The following ZNF385D variants were observed in gnomAD, a reference collection of about 807,000 sequenced individuals.
ZNF385D encodes the protein zinc finger protein 659.
A neutral mutation model predicts 35.8 loss-of-function variants in ZNF385D; 15 were observed. The ratio of observed to expected loss-of-function variants is 0.42; its 90% CI spans 0.28 to 0.64. The LOEUF (loss-of-function observed/expected upper bound fraction) is 0.64. ZNF385D is among the 30% of genes least tolerant of loss of function. The pLI, the probability that ZNF385D is intolerant of heterozygous loss-of-function variation, is 0.23. For synonymous variants in ZNF385D, 212 were observed against 186.8 expected (o/e 1.13, Z -1.10); for missense variants, 474 against 494.6 (o/e 0.96, Z 0.39).
At chr3:21,817,780 T>C (rs181691399) in intron 3 of ZNF385D, among the ~76,000 whole-genome samples, 147 of 152,292 alleles carry the variant, frequency 9.7e-4, no homozygotes, top group African/African-American at 3.5e-3. Flanking sequence ...TCCTCTGGGA[T>C]CTAGAACTAG....
intron 3 of ZNF385D, among the ~76,000 whole-genome samples, chr3:22,136,980 T>A (rs1306987963): frequency 6.6e-6 from 1 of 152,180 alleles, no homozygotes; most frequent in Non-Finnish European, 1.5e-5. Context: ...GTAAAACTAT[T>A]CTATATGATC....
At chr3:22,251,454 T>A (rs969294150) in intron 2 of ZNF385D, among the ~76,000 whole-genome samples, 2 of 152,134 alleles carry the variant, frequency 1.3e-5, no homozygotes, top group African/African-American at 4.8e-5. Context: ...TTTCTCCAAC[T>A]CATTTATCTA....
chr3:22,330,831 T>G (rs1694898446), intron 2 of ZNF385D, among the ~76,000 whole-genome samples: 1 of 152,232 alleles, frequency 6.6e-6, no homozygotes, highest in Non-Finnish European at 1.5e-5. Context: ...TACTTTGCAC[T>G]CTTTGTTCCT....
At chr3:22,176,904 TAGATC>T (rs542622839) in intron 2 of ZNF385D, among the ~76,000 whole-genome samples, 1 of 152,302 alleles carries the variant, frequency 6.6e-6, no homozygotes, top group Admixed American at 6.5e-5. Context: ...ATATAAATAA[TAGATC>T]AGATATGTCT....
intron 3 of ZNF385D, among the ~76,000 whole-genome samples, chr3:22,016,037 G>A (rs75418973): frequency 2.9e-4 from 44 of 152,220 alleles, no homozygotes; most frequent in African/African-American, 9.9e-4. Context: ...GGTCATCAGT[G>A]AATCAACATA....
At chr3:22,151,212 A>C (rs1705211369) in intron 3 of ZNF385D, among the ~76,000 whole-genome samples, 1 of 152,106 alleles carries the variant, frequency 6.6e-6, no homozygotes, top group Non-Finnish European at 1.5e-5. Context: ...GGGCTGGGGA[A>C]GGAACATCAC....
chr3:21,975,042 T>A (rs1033355219), intron 3 of ZNF385D, among the ~76,000 whole-genome samples: 1 of 152,176 alleles, frequency 6.6e-6, no homozygotes, highest in Non-Finnish European at 1.5e-5. Context: ...AGAACTGCCA[T>A]ACAATTCAGC....
intron 3 of ZNF385D, among the ~76,000 whole-genome samples, chr3:21,544,371 G>C (rs1167389869): frequency 6.6e-6 from 1 of 152,192 alleles, no homozygotes; most frequent in Non-Finnish European, 1.5e-5. Flanking sequence ...AAATTGCTAG[G>C]AGTTTATCGA....
At chr3:22,199,884 AC>A (rs1228984837) in intron 2 of ZNF385D, among the ~76,000 whole-genome samples, 2 of 152,126 alleles carry the variant, frequency 1.3e-5, no homozygotes, top group Non-Finnish European at 2.9e-5. Context: ...ATAAAAAGAG[AC>A]CCAAACAATA....
intron 3 of ZNF385D, chr3:22,168,706 A>T: frequency 1.5e-6 from 1 of 664,926 alleles, no homozygotes. Flanking sequence ...TTTAAGTAAT[A>T]TTTTTCCTGG....
intron 3 of ZNF385D, chr3:22,134,013 G>A (rs2125691313): frequency 6.6e-6 from 1 of 152,050 alleles, no homozygotes; most frequent in Non-Finnish European, 1.5e-5. Flanking sequence ...GCAGAAAAGG[G>A]GAAACAGACA....
intron 4 of ZNF385D, among the ~76,000 whole-genome samples, chr3:21,477,509 A>T (rs1704332281): frequency 1.3e-5 from 2 of 152,124 alleles, no homozygotes; most frequent in Non-Finnish European, 2.9e-5. Flanking sequence ...TTTAGCAAAG[A>T]TCTCCCTAAC....
At chr3:22,112,472 A>G (rs1033689752) in intron 3 of ZNF385D, among the ~76,000 whole-genome samples, 6 of 152,122 alleles carry the variant, frequency 3.9e-5, no homozygotes, top group Non-Finnish European at 7.4e-5. Context: ...AAATCGTACC[A>G]GTAATTCTTA....
intron 3 of ZNF385D, among the ~76,000 whole-genome samples, chr3:21,890,307 T>C (rs549246680): frequency 7.2e-5 from 11 of 152,220 alleles, no homozygotes; most frequent in African/African-American, 2.6e-4. Flanking sequence ...AGAATGATGG[T>C]AGACTCAGGC....
chr3:22,232,685 A>G (rs1014253568), intron 2 of ZNF385D, among the ~76,000 whole-genome samples: 19 of 152,182 alleles, frequency 1.2e-4, no homozygotes, highest in Admixed American at 2.6e-4. Flanking sequence ...GATGGTTTCC[A>G]GCTTCATCCA....
intron 3 of ZNF385D, among the ~76,000 whole-genome samples, chr3:22,047,139 T>C (rs1007763660): frequency 1.3e-5 from 2 of 152,130 alleles, no homozygotes; most frequent in Admixed American, 1.3e-4. Flanking sequence ...ATTATACACA[T>C]GTATGGTGCA....
intron 3 of ZNF385D, among the ~76,000 whole-genome samples, chr3:22,021,644 C>T (rs1418637694): frequency 6.6e-6 from 1 of 152,048 alleles, no homozygotes; most frequent in East Asian, 1.9e-4. Flanking sequence ...ATACTCAATA[C>T]AAGTTGAAGC....
chr3:22,140,528 C>G (rs1323025734), intron 3 of ZNF385D, among the ~76,000 whole-genome samples: 1 of 152,038 alleles, frequency 6.6e-6, no homozygotes, highest in East Asian at 1.9e-4. Context: ...AACTATACCC[C>G]CCCAAAAACA....
chr3:21,616,638 T>A (rs1253132849), intron 2 of ZNF385D, among the ~76,000 whole-genome samples: 1 of 152,238 alleles, frequency 6.6e-6, no homozygotes, highest in Non-Finnish European at 1.5e-5. Context: ...AAAAGATTCA[T>A]GTTCCCATGC....
Sources: gnomAD v4.1 joint callset for allele counts (sites outside exome capture counted in the v4.1 genomes callset) on GRCh38, gnomAD v4.1.1 for gene constraint, MANE v1.5 for transcripts, NCBI Gene and HGNC (gene_info 2026-07-23, HGNC 2026-07-21) for gene names.